Variants in MDGA2 observed in about 807,000 individuals in gnomAD.
MDGA2 encodes the protein MAM domain-containing glycosylphosphatidylinositol anchor protein 2.
A neutral mutation model predicts 117.8 loss-of-function variants in MDGA2; 40 were observed. That is an observed-to-expected ratio of 0.34 (90% CI 0.26 to 0.44). The LOEUF is 0.44. Among genes scored for constraint, MDGA2 ranks in the 20% least tolerant of loss-of-function variants. MDGA2 has a pLI of 1.00. For missense variants in MDGA2, 1,123 were observed against 1,250.6 expected, an observed-to-expected ratio of 0.90 and a Z score of 1.54; for synonymous variants, 452 against 439.0, an observed-to-expected ratio of 1.03 and a Z score of -0.37.
chr14:47,230,006 C>T (rs1470473989), intron 2 of MDGA2, among the ~76,000 whole-genome samples: 1 of 151,882 alleles, frequency 6.6e-6, no homozygotes, highest in Non-Finnish European at 1.5e-5. Context: ...TGTGGAAGAG[C>T]ATTTCCATCT....
In MDGA2 at chr14:47,609,430, T is replaced by C. The variant is rs866249625; in HGVS notation, c.280+65087A>G. ...TCTATGGCTGAGTAGTATTCCATCA[T>C]ATATATATATATATATATATATATA... On this transcript the variant is annotated intron_variant, in intron 1 of 16. Coordinates refer to ENST00000399232, the MANE Select transcript of MDGA2 (RefSeq NM_001113498.3). 4.5e-3 allele frequency among the ~76,000 whole-genome samples: 260 copies of C among 57,936 alleles called. 4 individuals are homozygous for C. The highest frequency in any genetic ancestry group is 7.3e-3 in the Non-Finnish European group (204 of 27,912). 38.0% of individuals were successfully genotyped at this position (57,936 alleles called of 152,430 possible). A position where few individuals can be genotyped will look rare whatever the true frequency, so the allele number is the denominator to read the frequency against.
chr14:47,243,838 G>A (rs1168020092), intron 2 of MDGA2, among the ~76,000 whole-genome samples: 1 of 151,776 alleles, frequency 6.6e-6, no homozygotes, highest in Non-Finnish European at 1.5e-5. Context: ...TTTAAGTGGC[G>A]ACTGGCAACC....
At chr14:47,123,402 C>T (rs1363677408) in intron 5 of MDGA2, among the ~76,000 whole-genome samples, 1 of 151,892 alleles carries the variant, frequency 6.6e-6, no homozygotes, top group African/African-American at 2.4e-5. Flanking sequence ...TCTTAATGAC[C>T]ATTGCTTCTG....
intron 1 of MDGA2, among the ~76,000 whole-genome samples, chr14:47,650,737 A>C (rs549061764): frequency 6.6e-6 from 1 of 152,248 alleles, no homozygotes; most frequent in Non-Finnish European, 1.5e-5. Flanking sequence ...TGTAAAATAA[A>C]AATATGTGAA....
intron 1 of MDGA2, among the ~76,000 whole-genome samples, chr14:47,561,581 C>T (rs746574840): frequency 6.6e-5 from 10 of 152,080 alleles, no homozygotes; most frequent in African/African-American, 9.7e-5. Flanking sequence ...TTGATTTTGT[C>T]CTGAAACTTT....
At chr14:47,143,979 T>C in intron 4 of MDGA2, 99 bp downstream of exon 4, 8 of 913,524 alleles carry the variant, frequency 8.8e-6, no homozygotes, top group Middle Eastern at 3.0e-4. Context: ...AAGGCCAGAA[T>C]AGAGAAACTA....
At chr14:46,934,903 C>T (rs778689436) in intron 9 of MDGA2, among the ~76,000 whole-genome samples, 55 of 152,032 alleles carry the variant, frequency 3.6e-4, no homozygotes, top group Non-Finnish European at 7.5e-4. Flanking sequence ...TGACATGCTG[C>T]ATTTGGCTTT....
intron 1 of MDGA2, among the ~76,000 whole-genome samples, chr14:47,327,165 TA>T (rs1208916193): frequency 2.0e-5 from 3 of 152,274 alleles, no homozygotes; most frequent in African/African-American, 7.2e-5. Context: ...TGTGGCTCCC[TA>T]AAAGAGGAAG....
Position 47,358,873 on chromosome 14 carries a change from A to G in MDGA2, c.281-57323T>C, listed in dbSNP as rs552163582. On this transcript the variant is annotated intron_variant, in intron 1 of 16. Coordinates refer to ENST00000399232, the MANE Select transcript of MDGA2 (RefSeq NM_001113498.3). ...GGATTCGGAAAACTAATATTGTTAAAATGTCCATACTATCTAAAGTGGTAT... is the reference window on the plus strand; with the variant it reads ...GGATTCGGAAAACTAATATTGTTAAGATGTCCATACTATCTAAAGTGGTAT... 1.5e-3 allele frequency among the ~76,000 whole-genome samples: 226 copies of G among 152,316 alleles called. 1 individual carries two copies. The highest frequency in any genetic ancestry group is 5.3e-3 in the African/African-American group (221 of 41,578).
chr14:47,195,357 T>C (rs1384949349), intron 3 of MDGA2, among the ~76,000 whole-genome samples: 1 of 152,028 alleles, frequency 6.6e-6, no homozygotes, highest in African/African-American at 2.4e-5. Flanking sequence ...CAAGGAGCAC[T>C]TTTAAGCCCT....
chr14:47,225,137 G>A (rs1439380012), intron 2 of MDGA2, among the ~76,000 whole-genome samples: 1 of 151,952 alleles, frequency 6.6e-6, no homozygotes, highest in African/African-American at 2.4e-5. Flanking sequence ...AGTTAGAATG[G>A]CAATCATTAA....
At chr14:47,516,177 A>G (rs189184467) in intron 1 of MDGA2, among the ~76,000 whole-genome samples, 8 of 152,294 alleles carry the variant, frequency 5.3e-5, no homozygotes, top group Admixed American at 5.2e-4. Context: ...TCAGTCCTTT[A>G]TAGCACATAT....
At chr14:46,850,351 T>C (rs1483809187) in intron 15 of MDGA2, among the ~76,000 whole-genome samples, 3 of 151,992 alleles carry the variant, frequency 2.0e-5, no homozygotes, top group Non-Finnish European at 4.4e-5. Flanking sequence ...GAATCACGAA[T>C]GTGTAAAAGT....
intron 1 of MDGA2, among the ~76,000 whole-genome samples, chr14:47,523,454 T>C (rs1046441094): frequency 5.3e-5 from 8 of 152,220 alleles, no homozygotes; most frequent in Admixed American, 2.0e-4. Flanking sequence ...TGTGTTAGTA[T>C]GCTTTTAGCA....
intron 2 of MDGA2, among the ~76,000 whole-genome samples, chr14:47,288,758 C>A (rs1888774702): frequency 6.6e-6 from 1 of 151,944 alleles, no homozygotes; most frequent in African/African-American, 2.4e-5. Flanking sequence ...TTAACAATTC[C>A]TTAAAAAAAG....
intron 1 of MDGA2, among the ~76,000 whole-genome samples, chr14:47,435,261 C>A (rs548736954): frequency 2.3e-4 from 35 of 152,186 alleles, no homozygotes; most frequent in Non-Finnish European, 4.1e-4. Context: ...GCTGCTGCAC[C>A]CTCTTAAATA....
intron 9 of MDGA2, among the ~76,000 whole-genome samples, chr14:46,922,104 G>C (rs766929222): frequency 9.9e-4 from 149 of 150,310 alleles, no homozygotes; most frequent in Admixed American, 1.6e-3. Flanking sequence ...ATAAAAAGGC[G>C]GGGGGGCAAA....
intron 1 of MDGA2, among the ~76,000 whole-genome samples, chr14:47,546,620 C>A (rs1296032875): frequency 6.6e-6 from 1 of 152,154 alleles, no homozygotes; most frequent in African/African-American, 2.4e-5. Flanking sequence ...GCCACTAACT[C>A]TATCCAAAGA....
intron 9 of MDGA2, among the ~76,000 whole-genome samples, chr14:46,940,625 CAA>C (rs10623885): frequency 1.4e-5 from 2 of 139,624 alleles, no homozygotes. Context: ...GAGACTGTCT[CAA>C]AAAAAAAAAA....
Sources: gnomAD v4.1 joint callset for allele counts (sites outside exome capture counted in the v4.1 genomes callset) on GRCh38, gnomAD v4.1.1 for gene constraint, MANE v1.5 for transcripts, NCBI Gene and HGNC (gene_info 2026-07-23, HGNC 2026-07-21) for gene names.